UNC5C: variants seen among roughly 807,000 people sequenced by gnomAD.
UNC5C encodes the protein unc-5 netrin receptor C, also known as netrin receptor UNC5C.
In UNC5C, 47 loss-of-function variants were observed where a neutral mutation model predicts 99.8. That is an observed-to-expected ratio of 0.47 (90% CI 0.37 to 0.60). The LOEUF (loss-of-function observed/expected upper bound fraction) is 0.60, where lower values mean the gene tolerates loss of function less well. Among genes scored for constraint, UNC5C ranks in the 20% least tolerant of loss-of-function variants. The pLI, the probability that UNC5C is intolerant of heterozygous loss-of-function variation, is 0.00. For synonymous variants in UNC5C, 487 were observed against 452.2 expected (o/e 1.08, Z -0.98); for missense variants, 1,062 against 1,165.9 (o/e 0.91, Z 1.30).
chr4:95,222,316 T>C, intron 7 of UNC5C: 1 of 1,162,698 alleles, frequency 8.6e-7, no homozygotes. Flanking sequence ...ATCAAATTAA[T>C]GAGGGAAAGA....
chr4:95,247,441 C>T (rs1208692102), intron 5 of UNC5C, among the ~76,000 whole-genome samples: 1 of 152,100 alleles, frequency 6.6e-6, no homozygotes, highest in African/African-American at 2.4e-5. Context: ...GTATAAACTG[C>T]TTACTAGCAT....
chr4:95,301,077 C>T (rs1306807651), intron 3 of UNC5C, among the ~76,000 whole-genome samples: 1 of 151,550 alleles, frequency 6.6e-6, no homozygotes, highest in African/African-American at 2.4e-5. Context: ...TATACACCTA[C>T]TATGTACCCA....
chr4:95,229,283 C>T (rs1417987580), intron 7 of UNC5C, among the ~76,000 whole-genome samples: 2 of 151,988 alleles, frequency 1.3e-5, no homozygotes, highest in Admixed American at 6.6e-5. Context: ...CCCTAGCCCC[C>T]CACCCCGACA....
At chr4:95,217,529 C>A (rs536827690) in intron 9 of UNC5C, among the ~76,000 whole-genome samples, 1 of 152,228 alleles carries the variant, frequency 6.6e-6, no homozygotes, top group Non-Finnish European at 1.5e-5. Context: ...GATGAAACAG[C>A]ATTATGAATA....
intron 1 of UNC5C, among the ~76,000 whole-genome samples, chr4:95,504,362 T>C (rs1274685863): frequency 2.0e-5 from 3 of 152,158 alleles, no homozygotes; most frequent in Non-Finnish European, 4.4e-5. Flanking sequence ...TTCTTTAACT[T>C]TCTGTCTTCA....
chr4:95,509,709 T>C (rs1722016891), intron 1 of UNC5C, among the ~76,000 whole-genome samples: 1 of 151,958 alleles, frequency 6.6e-6, no homozygotes, highest in Non-Finnish European at 1.5e-5. Context: ...TATGTTCATT[T>C]AATTGTATTC....
chr4:95,376,629 A>G (rs1744902885), intron 1 of UNC5C, among the ~76,000 whole-genome samples: 2 of 152,316 alleles, frequency 1.3e-5, no homozygotes, highest in African/African-American at 2.4e-5. Flanking sequence ...CTGATTTATG[A>G]GTACATGATT....
At chr4:95,183,156 G>A in intron 13 of UNC5C, 95 bp from the exon 14 acceptor site, 1 of 1,269,912 alleles carries the variant, frequency 7.9e-7, no homozygotes, top group East Asian at 2.4e-5. Flanking sequence ...TATCACACCT[G>A]TGGCCTCATT....
chr4:95,224,060 A>G (rs761847211), intron 7 of UNC5C, among the ~76,000 whole-genome samples: 14 of 152,170 alleles, frequency 9.2e-5, no homozygotes, highest in South Asian at 2.1e-4. Context: ...AGGCAGGTGG[A>G]TCGCCTGAGC....
intron 7 of UNC5C, among the ~76,000 whole-genome samples, chr4:95,238,453 T>C (rs1739206611): frequency 1.3e-5 from 2 of 152,148 alleles, no homozygotes; most frequent in Admixed American, 1.3e-4. Context: ...AATGGAAATT[T>C]TTAACTTAGT....
chr4:95,382,433 TG>T (rs1337951288), intron 1 of UNC5C, among the ~76,000 whole-genome samples: 3 of 149,776 alleles, frequency 2.0e-5, no homozygotes, highest in African/African-American at 7.4e-5. Context: ...CACTCCAGCC[TG>T]GGTGACAGAG....
intron 13 of UNC5C, among the ~76,000 whole-genome samples, chr4:95,184,640 C>CT (rs1560719286): frequency 6.6e-6 from 1 of 152,116 alleles, no homozygotes; most frequent in African/African-American, 2.4e-5. Context: ...AGGGCTCCCT[C>CT]TAATTTTTCA....
chr4:95,479,166 C>A (rs1158687968), intron 1 of UNC5C, among the ~76,000 whole-genome samples: 2 of 152,094 alleles, frequency 1.3e-5, no homozygotes, highest in East Asian at 1.9e-4. Flanking sequence ...AAATTGCATG[C>A]CTACCTGCTC....
chr4:95,329,790 T>C (rs1030941055), intron 2 of UNC5C, among the ~76,000 whole-genome samples: 2 of 152,182 alleles, frequency 1.3e-5, no homozygotes, highest in Admixed American at 6.5e-5. Context: ...TTTTCTTGCT[T>C]TGGATATTCA....
At chr4:95,533,327 C>T (rs927622063) in intron 1 of UNC5C, among the ~76,000 whole-genome samples, 11 of 151,816 alleles carry the variant, frequency 7.2e-5, no homozygotes, top group Non-Finnish European at 1.5e-4. Context: ...AACCGGAAGG[C>T]AGAGGTTGCA....
chr4:95,193,261 G>A (rs1318642602), intron 12 of UNC5C, among the ~76,000 whole-genome samples: 1 of 152,194 alleles, frequency 6.6e-6, no homozygotes, highest in Non-Finnish European at 1.5e-5. Context: ...CGCTGAGATC[G>A]CTACATGGAG....
At chr4:95,516,761 T>A (rs1009360496) in intron 1 of UNC5C, among the ~76,000 whole-genome samples, 3 of 152,140 alleles carry the variant, frequency 2.0e-5, no homozygotes, top group African/African-American at 7.2e-5. Context: ...TGTCTGCATC[T>A]GGTGTTTATC....
At chr4:95,322,502 T>C (rs1439083917) in intron 2 of UNC5C, among the ~76,000 whole-genome samples, 1 of 152,176 alleles carries the variant, frequency 6.6e-6, no homozygotes, top group Non-Finnish European at 1.5e-5. Context: ...AACTATACCA[T>C]ACCATTCCAA....
intron 1 of UNC5C, among the ~76,000 whole-genome samples, chr4:95,511,100 T>C (rs988200674): frequency 3.9e-5 from 6 of 152,116 alleles, no homozygotes; most frequent in African/African-American, 1.4e-4. Flanking sequence ...AAGTTAATGA[T>C]TTTGTGATTC....
Sources: gnomAD v4.1 joint callset for allele counts (sites outside exome capture counted in the v4.1 genomes callset) on GRCh38, gnomAD v4.1.1 for gene constraint, MANE v1.5 for transcripts, NCBI Gene and HGNC (gene_info 2026-07-23, HGNC 2026-07-21) for gene names.